The following NRCAM variants were observed in gnomAD, a reference collection of about 807,000 sequenced individuals.
NRCAM encodes the protein NgCAM-related cell adhesion molecule.
Under a neutral mutation model 156.5 loss-of-function variants are expected in NRCAM, and 83 were observed. That is an observed-to-expected ratio of 0.53 (90% CI 0.44 to 0.64). NRCAM has a LOEUF of 0.64. Among genes scored for constraint, NRCAM ranks in the 30% least tolerant of loss-of-function variants. The pLI, the probability that NRCAM is intolerant of heterozygous loss-of-function variation, is 0.00. For synonymous variants in NRCAM, 538 were observed against 563.9 expected, an observed-to-expected ratio of 0.95 and a Z score of 0.65; for missense variants, 1,417 against 1,597.3, an observed-to-expected ratio of 0.89 and a Z score of 1.92.
In NRCAM at chr7:108,197,896, C is replaced by T. The variant is rs2075990376; in HGVS notation, c.1351+60G>A. 5.2e-6 allele frequency: 7 copies of T among 1,346,904 alleles called. No homozygotes were observed. In the South Asian group the frequency reaches 9.3e-5, roughly 18 times the overall value. The allele number at this position is 1,346,904 out of a possible 1,614,324, so 83.4% of individuals were successfully genotyped here. A position where few individuals can be genotyped will look rare whatever the true frequency, so the allele number is the denominator to read the frequency against. Reference sequence around the variant, plus strand: ...GCTCAATATATTTTTGCTGATTGAACAGAAAATAACAGCAGTCATTAATTT... The same window carrying T: ...GCTCAATATATTTTTGCTGATTGAATAGAAAATAACAGCAGTCATTAATTT... On this transcript the variant is annotated intron_variant, in intron 14 of 32. Transcript: ENST00000379028.
chr7:108,361,377 T>G (rs543685042), intron 2 of NRCAM, among the ~76,000 whole-genome samples: 6 of 152,302 alleles, frequency 3.9e-5, no homozygotes, highest in Admixed American at 2.6e-4. Context: ...TCTGGATATT[T>G]TGGGATTAAA....
At chr7:108,266,278 G>T (rs2097100745) in intron 3 of NRCAM, among the ~76,000 whole-genome samples, 1 of 152,158 alleles carries the variant, frequency 6.6e-6, no homozygotes, top group African/African-American at 2.4e-5. Flanking sequence ...TCAAATTTCT[G>T]TCTAGTCTAG....
At position 108,248,634 on chromosome 7, in the gene NRCAM, T is replaced by C. The variant is rs1316023755; in HGVS notation, c.-106-8464A>G. 2.0e-5 allele frequency among the ~76,000 whole-genome samples: 3 copies of C among 152,074 alleles called. No individual in the cohort carries two copies. The East Asian group carries it at 5.8e-4, about 29-fold the overall frequency. On this transcript the variant is annotated intron_variant, in intron 3 of 32. Transcript: ENST00000379028. ...CACCTCTGCTCGAGGCTGACAGAGG[T>C]GCCACCATTTTGTGATGCTGCCAAC...
intron 2 of NRCAM, among the ~76,000 whole-genome samples, chr7:108,318,171 G>A (rs1481026652): frequency 1.4e-5 from 2 of 141,746 alleles, no homozygotes; most frequent in Admixed American, 1.5e-4. Context: ...TCAGCCTCCC[G>A]AGTAGCTGGG....
intron 15 of NRCAM, 77 bp from the exon 16 acceptor site, chr7:108,194,505 G>A: frequency 2.1e-6 from 2 of 956,844 alleles, no homozygotes; most frequent in Non-Finnish European, 3.1e-6. Context: ...CCATGTTCAA[G>A]GTCAACATGA....
At position 108,358,691 on chromosome 7, in the gene NRCAM, G is replaced by A. The variant is rs529328327; in HGVS notation, c.-174+40745C>T. On this transcript the variant is annotated intron_variant, in intron 2 of 32. Transcript: ENST00000379028. ...GGCGCTCTGCTGCTTCAGCCCCAGC[G>A]TATGCCCTGAACACTGTAAGTCACT... is the stretch of plus-strand genomic sequence containing the variant. Among the ~76,000 whole-genome samples, 32 of 152,270 alleles carry A rather than the reference G, an allele frequency of 2.1e-4. No homozygotes were observed. In the East Asian group the frequency reaches 4.4e-3, roughly 21 times the overall value.
At chr7:108,437,370 A>T (rs1454914536) in intron 1 of NRCAM, among the ~76,000 whole-genome samples, 1 of 152,212 alleles carries the variant, frequency 6.6e-6, no homozygotes, top group African/African-American at 2.4e-5. Context: ...ATTTGATAGC[A>T]CAACAGAGTG....
intron 3 of NRCAM, among the ~76,000 whole-genome samples, chr7:108,299,114 A>AAAAAAAAAAAAAAAGAAAGAAAG: frequency 1.2e-4 from 3 of 25,530 alleles, no homozygotes; most frequent in African/African-American, 2.1e-4. Context: ...TCAAAAAAAA[A>AAAAAAAAAAAAAAAGAAAGAAAG]AAAGAAAGAA....
At chr7:108,222,673 C>A (rs1053610531) in intron 11 of NRCAM, among the ~76,000 whole-genome samples, 1 of 152,052 alleles carries the variant, frequency 6.6e-6, no homozygotes, top group Non-Finnish European at 1.5e-5. Context: ...CCTCGGCCAG[C>A]GGAGGCCTCC....
At chr7:108,195,220 G>A (rs1339611457) in intron 15 of NRCAM, among the ~76,000 whole-genome samples, 1 of 152,156 alleles carries the variant, frequency 6.6e-6, no homozygotes, top group Non-Finnish European at 1.5e-5. Flanking sequence ...TCATTTACAT[G>A]TAGATCTGTG....
At chr7:108,224,047 T>A (rs1353918486) in intron 10 of NRCAM, among the ~76,000 whole-genome samples, 1 of 152,170 alleles carries the variant, frequency 6.6e-6, no homozygotes, top group Non-Finnish European at 1.5e-5. Flanking sequence ...ACAATTTTGG[T>A]GGCATAAGCA....
chr7:108,150,221 G>T, intron 32 of NRCAM, 74 bp from the exon 33 acceptor site: 1 of 1,248,150 alleles, frequency 8.0e-7, no homozygotes, highest in Non-Finnish European at 1.1e-6. Context: ...GACCATGCAT[G>T]CAAATTATGA....
chr7:108,232,290 A>G, intron 7 of NRCAM, 36 bp downstream of exon 7: 3 of 1,485,090 alleles, frequency 2.0e-6, no homozygotes, highest in Non-Finnish European at 2.8e-6. Flanking sequence ...GCAATACTTT[A>G]AAAAGGGTCA....
At chr7:108,242,990 TCA>T (rs1398834190) in intron 3 of NRCAM, 5 of 152,146 alleles carry the variant, frequency 3.3e-5, no homozygotes, top group Non-Finnish European at 5.9e-5. Flanking sequence ...ACACATCAAA[TCA>T]CAGTGTTTTA....
At chr7:108,219,092 T>A (rs538843832) in intron 11 of NRCAM, among the ~76,000 whole-genome samples, 33 of 151,994 alleles carry the variant, frequency 2.2e-4, no homozygotes, top group Admixed American at 6.5e-4. Context: ...CTTACACACA[T>A]AAACTAGAAA....
Position 108,256,643 on chromosome 7 carries a change from CA to C in NRCAM, c.-106-16474del, listed in dbSNP as rs775728284. ...AATAAATACTAAAAACAAACAACAA[CA>C]AAAAAAACAACTATGCTGAGTAAAA... is the stretch of plus-strand genomic sequence containing the variant. On this transcript the variant is annotated intron_variant, in intron 3 of 32. Coordinates refer to ENST00000379028, the MANE Select transcript of NRCAM (RefSeq NM_001037132.4). 2.0e-4 allele frequency among the ~76,000 whole-genome samples: 31 copies of C among 151,778 alleles called. 1 individual carries two copies. Among genetic ancestry groups the C allele is most frequent in the African/African-American group, 7.3e-4 (30 of 41,374 alleles).
intron 3 of NRCAM, among the ~76,000 whole-genome samples, chr7:108,263,319 GA>G: frequency 6.6e-6 from 1 of 152,314 alleles, no homozygotes; most frequent in South Asian, 2.1e-4. Flanking sequence ...GCAGAAATGA[GA>G]ACTGATGTTC....
intron 2 of NRCAM, among the ~76,000 whole-genome samples, chr7:108,341,546 A>G (rs894624802): frequency 6.6e-6 from 1 of 152,180 alleles, no homozygotes; most frequent in African/African-American, 2.4e-5. Context: ...AGCAGGGGCC[A>G]TTATACACCT....
rs142356001 is a variant in NRCAM, at chr7:108,295,188, T to C, written c.-107+17477A>G. Among the ~76,000 whole-genome samples the C allele has an allele frequency of 5.0e-3, 761 of 152,350 alleles. 2 individuals carry two copies. Among genetic ancestry groups the C allele is most frequent in the Middle Eastern group, 0.01 (3 of 294 alleles). ...GATTAAGTTTTATTTAATTTTAAAA[T>C]GACAACTACTCTTTACAGAGGGCTC... is the stretch of plus-strand genomic sequence containing the variant. On this transcript the variant is annotated intron_variant, in intron 3 of 32. Coordinates refer to ENST00000379028, the MANE Select transcript of NRCAM (RefSeq NM_001037132.4).
Sources: allele counts gnomAD v4.1 joint callset (sites outside exome capture counted in the v4.1 genomes callset), GRCh38; gene constraint gnomAD v4.1.1; transcripts MANE v1.5; gene names NCBI Gene and HGNC (gene_info 2026-07-23, HGNC 2026-07-21).